The following HOXB3 variants were observed in gnomAD, a reference collection of about 807,000 sequenced individuals.
HOXB3 encodes homeobox protein Hox-B3.
A neutral mutation model predicts 29.2 loss-of-function variants in HOXB3; 17 were observed. The observed-to-expected ratio is 0.58, with a 90% confidence interval of 0.40 to 0.87. The LOEUF is 0.87. Ranked by LOEUF, HOXB3 falls within the 40% of genes least tolerant of loss-of-function variation. The pLI, the probability that HOXB3 is intolerant of heterozygous loss-of-function variation, is 0.00. For missense variants in HOXB3, 637 were observed against 616.3 expected, an observed-to-expected ratio of 1.03 and a Z score of -0.35; for synonymous variants, 317 against 285.9, an observed-to-expected ratio of 1.11 and a Z score of -1.10.
At chr17:48,577,872 C>T in intron 1 of HOXB3, 3 of 1,398,706 alleles carry the variant, frequency 2.1e-6, no homozygotes, top group South Asian at 1.9e-5. Context: ...CCCGTGCTCA[C>T]GTGAACTTTG....
chr17:48,562,778 T>G (rs775350285), intron 2 of HOXB3, among the ~76,000 whole-genome samples: 2 of 152,198 alleles, frequency 1.3e-5, no homozygotes, highest in Non-Finnish European at 2.9e-5. Flanking sequence ...ATTCTGCGGC[T>G]GAGAAAATTT....
chr17:48,570,834 G>A (rs1389405484), intron 2 of HOXB3, among the ~76,000 whole-genome samples: 1 of 152,140 alleles, frequency 6.6e-6, no homozygotes, highest in African/African-American at 2.4e-5. Context: ...TCCCGATGTG[G>A]GCCCTGCTCC....
At chr17:48,570,230 G>A (rs1251001723) in intron 2 of HOXB3, among the ~76,000 whole-genome samples, 2 of 152,072 alleles carry the variant, frequency 1.3e-5, no homozygotes, top group South Asian at 4.2e-4. Context: ...AAATACCAGG[G>A]ACTATCTATT....
At chr17:48,551,613 T>C (rs2068746586) in intron 4 of HOXB3, among the ~76,000 whole-genome samples, 1 of 152,214 alleles carries the variant, frequency 6.6e-6, no homozygotes, top group South Asian at 2.1e-4. Context: ...TGGACACTCG[T>C]GGGCAGGAAG....
chr17:48,552,207 G>T lies in HOXB3; in HGVS notation c.268C>A (p.Pro90Thr), dbSNP rs764975793. Residue 90 changes from proline to threonine, a missense_variant, in exon 4 of 5, where the codon CCC (proline) becomes ACC (threonine). By Grantham distance (38) the Pro-to-Thr change is conservative. Transcript: ENST00000498678. The stretch of plus-strand genomic sequence containing the variant: ...CTGGTAGGTGCGGCACTGGGCGGGG[G>T]TGAGCCAGGCGGGGCCGACAGGGGC... ...PEPLSAPPGS[P>T]PPSAAPTSAT... The T allele has an allele frequency of 6.2e-7, 1 of 1,613,186 alleles. No homozygotes were observed. Among genetic ancestry groups the T allele is most frequent in the Non-Finnish European group, 8.5e-7 (1 of 1,179,774 alleles).
intron 1 of HOXB3, among the ~76,000 whole-genome samples, chr17:48,583,538 A>G (rs1354419587): frequency 2.6e-5 from 4 of 152,168 alleles, no homozygotes; most frequent in Non-Finnish European, 5.9e-5. Context: ...AGACTGAAAC[A>G]GGGCTCCAGC....
At chr17:48,575,231 A>G (rs1247741855) in intron 1 of HOXB3, 5 of 152,194 alleles carry the variant, frequency 3.3e-5, no homozygotes, top group Non-Finnish European at 7.3e-5. Flanking sequence ...ATTTTCCCCC[A>G]TTAGGGACTG....
intron 2 of HOXB3, 44 bp from the exon 3 acceptor site, chr17:48,555,662 G>A (rs976223612): frequency 4.3e-6 from 3 of 694,594 alleles, no homozygotes; most frequent in African/African-American, 1.8e-5. Flanking sequence ...AAGCTGCGTC[G>A]CCCCCCGCCC....
Position 48,554,803 on chromosome 17 carries a change from T to G in HOXB3, c.-159+728A>C. 1.4e-6 allele frequency: 1 copy of G among 702,244 alleles called. No individual in the cohort carries two copies. Among genetic ancestry groups the G allele is most frequent in the East Asian group, 2.7e-5 (1 of 37,270 alleles). 43.5% of individuals were successfully genotyped at this position (702,244 alleles called of 1,614,324 possible). ...CGCCTTAGAAACTCCGCTTCGGGAC[T>G]TTGCTCAGCAGGGCTCCGGGTTGGA... On this transcript the variant is annotated intron_variant, in intron 3 of 4. Coordinates refer to ENST00000498678, the MANE Select transcript of HOXB3 (RefSeq NM_001384749.1). The surrounding 1 kb of genome is among the most constrained non-coding windows in gnomAD (Gnocchi z 4.1).
chr17:48,576,521 C>T, intron 1 of HOXB3: 1 of 413,296 alleles, frequency 2.4e-6, no homozygotes, highest in Non-Finnish European at 4.2e-6. Flanking sequence ...GGGGGGCCTC[C>T]CCGTGGCCCT....
At chr17:48,577,429 T>C (rs1567963620) in intron 1 of HOXB3, among the ~76,000 whole-genome samples, 1 of 152,152 alleles carries the variant, frequency 6.6e-6, no homozygotes, top group Non-Finnish European at 1.5e-5. Flanking sequence ...CTACCCCTAC[T>C]GAAAACTTTT....
At chr17:48,564,529 C>T (rs2069323054) in intron 2 of HOXB3, among the ~76,000 whole-genome samples, 1 of 152,232 alleles carries the variant, frequency 6.6e-6, no homozygotes, top group Admixed American at 6.5e-5. Flanking sequence ...TGAGAAGCTC[C>T]CACTCCGTCC....
rs950086795 is a variant in HOXB3 at position 48,577,392 on chromosome 17, C to A, written c.-424-3378G>T. ...AACCTTTCCTCTGTTTAGTTCCCAC[C>A]CTTGCTGCTCAGATTCCAAGCAGTG... On this transcript the variant is annotated intron_variant, in intron 1 of 4. Transcript: ENST00000498678. Among the ~76,000 whole-genome samples the A allele has an allele frequency of 2.6e-5, 4 of 152,128 alleles. No individual in the cohort carries two copies. In the East Asian group the frequency reaches 7.7e-4, roughly 29 times the overall value.
intron 2 of HOXB3, among the ~76,000 whole-genome samples, chr17:48,565,266 G>A (rs1179099701): frequency 6.6e-6 from 1 of 152,182 alleles, no homozygotes; most frequent in African/African-American, 2.4e-5. Flanking sequence ...AAGTGTCCTG[G>A]ACATCTTGGC....
chr17:48,551,618 AG>A (rs1369207679), intron 4 of HOXB3, among the ~76,000 whole-genome samples: 1 of 152,266 alleles, frequency 6.6e-6, no homozygotes, highest in Non-Finnish European at 1.5e-5. Flanking sequence ...ACTCGTGGGC[AG>A]GAAGTGTGGC....
chr17:48,550,037 C>T lies in HOXB3; in HGVS notation c.*297G>A, dbSNP rs1048703305. ...CGTCCTGTCTCGTCTTCCTCTACCCCACTCCCGGGCGTGGAATTCCAACTT... is the reference window on the plus strand; with the variant it reads ...CGTCCTGTCTCGTCTTCCTCTACCCTACTCCCGGGCGTGGAATTCCAACTT... On this transcript the variant is annotated 3_prime_UTR_variant, in exon 5 of 5. Transcript: ENST00000498678. 4.5e-5 allele frequency: 17 copies of T among 374,164 alleles called. No homozygotes were observed. Among genetic ancestry groups the T allele is most frequent in the Non-Finnish European group, 7.8e-5 (16 of 205,912 alleles). 23.2% of individuals were successfully genotyped at this position (374,164 alleles called of 1,614,324 possible).
rs979180574 is a variant in HOXB3, at chr17:48,578,585, T to C, written c.-424-4571A>G. ...CCCAACACCAGGATTTACATAGGGC[T>C]CCTGCGGGGCGACCCCCTCCTTGCC... is the stretch of plus-strand genomic sequence containing the variant. On this transcript the variant is annotated intron_variant, in intron 1 of 4. Transcript: ENST00000498678. 3 of 380,436 alleles carry C rather than the reference T, an allele frequency of 7.9e-6. No individual in the cohort carries two copies. In the African/African-American group the frequency reaches 8.4e-5, roughly 11 times the overall value. 23.6% of individuals were successfully genotyped at this position (380,436 alleles called of 1,614,324 possible).
At position 48,551,141 on chromosome 17, in the gene HOXB3, TCCGCCGCCG is replaced by T. The variant is rs762753310; in HGVS notation, c.480_488del (p.Gly162_Gly164del). The T allele has an allele frequency of 3.8e-6, 5 of 1,307,288 alleles. No homozygotes were observed. The highest frequency in any genetic ancestry group is 4.9e-6 in the Non-Finnish European group (5 of 1,029,484). The allele number at this position is 1,307,288 out of a possible 1,614,324, so 81.0% of individuals were successfully genotyped here. A position where few individuals can be genotyped will look rare whatever the true frequency, so the allele number is the denominator to read the frequency against. The stretch of plus-strand genomic sequence containing the variant: ...CACCGCCCCCGCTGCCACCACTGCC[TCCGCCGCCG>T]CCGCCACCGCCGCCGCCACCACAGC... On this transcript the variant is annotated inframe_deletion, in exon 5 of 5. Coordinates refer to ENST00000498678, the MANE Select transcript of HOXB3 (RefSeq NM_001384749.1).
chr17:48,578,045 C>A, intron 1 of HOXB3: 1 of 927,202 alleles, frequency 1.1e-6, no homozygotes, highest in Non-Finnish European at 1.3e-6. Flanking sequence ...CGCAGGAGCC[C>A]GAGGGGACAG....
Sources: allele counts gnomAD v4.1 joint callset (sites outside exome capture counted in the v4.1 genomes callset), GRCh38; gene constraint gnomAD v4.1.1; non-coding constraint Gnocchi (gnomAD v3.1); transcripts MANE v1.5; gene names NCBI Gene and HGNC (gene_info 2026-07-23, HGNC 2026-07-21).